Variants in SCHIP1 observed in about 807,000 individuals in gnomAD.
SCHIP1 encodes schwannomin interacting protein 1, also known as schwannomin-interacting protein 1.
SCHIP1 carries 8 observed loss-of-function variants against 29.7 expected under a neutral mutation model. The observed-to-expected ratio is 0.27, with a 90% confidence interval of 0.16 to 0.49. The LOEUF (loss-of-function observed/expected upper bound fraction) is 0.49, where lower values mean the gene tolerates loss of function less well. Ranked by LOEUF, SCHIP1 falls within the 20% of genes least tolerant of loss-of-function variation. The probability of loss-of-function intolerance (pLI) is 0.99; values close to 1 mark genes in which losing one functional copy is unlikely to be tolerated. For missense variants in SCHIP1, 193 were observed against 294.6 expected (o/e 0.66, Z 2.52); for synonymous variants, 76 against 94.9 (o/e 0.80, Z 1.16).
the SCHIP1 span, among the ~76,000 whole-genome samples, chr3:159,393,254 T>G: frequency 6.6e-6 from 1 of 152,204 alleles, no homozygotes; most frequent in Non-Finnish European, 1.5e-5. Flanking sequence ...TTTCTCCCAT[T>G]TTGTAGGTTG....
the SCHIP1 span, among the ~76,000 whole-genome samples, chr3:159,630,841 A>G: frequency 6.6e-6 from 1 of 152,188 alleles, no homozygotes; most frequent in Non-Finnish European, 1.5e-5. Flanking sequence ...GTAACCAAAC[A>G]CCACCTGTTC....
chr3:159,804,867 A>C, the SCHIP1 span, among the ~76,000 whole-genome samples: 1 of 152,162 alleles, frequency 6.6e-6, no homozygotes, highest in African/African-American at 2.4e-5. Context: ...ATTTACAGCT[A>C]TCCTCCCACA....
At chr3:159,418,536 T>A in the SCHIP1 span, among the ~76,000 whole-genome samples, 1 of 152,250 alleles carries the variant, frequency 6.6e-6, no homozygotes. Context: ...TTACAGGAAT[T>A]TGATATTTAT....
At chr3:159,703,025 TTATC>T in the SCHIP1 span, among the ~76,000 whole-genome samples, 1 of 152,240 alleles carries the variant, frequency 6.6e-6, no homozygotes, top group Non-Finnish European at 1.5e-5. Flanking sequence ...CATTTATTCT[TTATC>T]TACTAGTCAT....
At chr3:159,582,821 T>C in the SCHIP1 span, among the ~76,000 whole-genome samples, 13 of 74,358 alleles carry the variant, frequency 1.7e-4, no homozygotes, top group South Asian at 9.4e-4. Context: ...CACACACACA[T>C]TCAAAAATAT....
the SCHIP1 span, among the ~76,000 whole-genome samples, chr3:159,437,932 C>T: frequency 1.3e-5 from 2 of 152,258 alleles, no homozygotes; most frequent in African/African-American, 4.8e-5. Flanking sequence ...CTGCCATTTA[C>T]AAGCTTTATT....
the SCHIP1 span, among the ~76,000 whole-genome samples, chr3:159,669,289 C>T: frequency 3.3e-5 from 5 of 152,178 alleles, no homozygotes; most frequent in Non-Finnish European, 7.3e-5. Context: ...TCGTAAGTTT[C>T]CTTTTAGGTA....
At chr3:159,751,516 G>A in the SCHIP1 span, among the ~76,000 whole-genome samples, 1 of 151,654 alleles carries the variant, frequency 6.6e-6, no homozygotes. Flanking sequence ...AGAATTTATA[G>A]AAATTAATTC....
the SCHIP1 span, among the ~76,000 whole-genome samples, chr3:159,754,525 A>G: frequency 6.6e-6 from 1 of 152,228 alleles, no homozygotes; most frequent in African/African-American, 2.4e-5. Context: ...CTTACAAAAC[A>G]ATGCCAAATC....
At chr3:159,274,407 G>A in the SCHIP1 span, 1 of 947,486 alleles carries the variant, frequency 1.1e-6, no homozygotes. Context: ...CAAATTTATT[G>A]GTATGAAATG....
chr3:159,759,382 G>A, the SCHIP1 span, among the ~76,000 whole-genome samples: 1 of 152,168 alleles, frequency 6.6e-6, no homozygotes. Context: ...AACCAACTTT[G>A]TATCACCCAA....
At chr3:159,442,312 G>A in the SCHIP1 span, among the ~76,000 whole-genome samples, 1 of 152,178 alleles carries the variant, frequency 6.6e-6, no homozygotes, top group Non-Finnish European at 1.5e-5. Flanking sequence ...CTCCAGAGAG[G>A]CAGGAAAGAG....
chr3:159,418,890 T>C, the SCHIP1 span, among the ~76,000 whole-genome samples: 1 of 152,364 alleles, frequency 6.6e-6, no homozygotes, highest in South Asian at 2.1e-4. Context: ...GAACGAAGGC[T>C]TTGGGGTTCC....
At chr3:159,662,488 C>T in the SCHIP1 span, among the ~76,000 whole-genome samples, 2 of 152,240 alleles carry the variant, frequency 1.3e-5, no homozygotes, top group South Asian at 2.1e-4. Context: ...TTGGGTTCTA[C>T]ACCCAGCCAC....
chr3:159,535,599 G>C, the SCHIP1 span, among the ~76,000 whole-genome samples: 1 of 152,122 alleles, frequency 6.6e-6, no homozygotes, highest in Non-Finnish European at 1.5e-5. Flanking sequence ...AGTTAGCTTT[G>C]GCCTTCTCAG....
chr3:159,595,038 G>A, the SCHIP1 span, among the ~76,000 whole-genome samples: 1 of 152,166 alleles, frequency 6.6e-6, no homozygotes, highest in African/African-American at 2.4e-5. Context: ...CACCCAGCGA[G>A]TGACAAAGCA....
chr3:159,895,341 A>G (rs935990534), intron 6 of SCHIP1, among the ~76,000 whole-genome samples: 1 of 152,130 alleles, frequency 6.6e-6, no homozygotes, highest in African/African-American at 2.4e-5. Context: ...CCCTGATATG[A>G]CACATTCTGC....
chr3:159,535,720 G>A, the SCHIP1 span, among the ~76,000 whole-genome samples: 19 of 152,308 alleles, frequency 1.2e-4, no homozygotes, highest in Admixed American at 8.5e-4. Context: ...TAATTACAAT[G>A]TTTAGAAGAA....
At chr3:159,641,798 G>T in the SCHIP1 span, among the ~76,000 whole-genome samples, 2 of 152,110 alleles carry the variant, frequency 1.3e-5, no homozygotes, top group Admixed American at 6.6e-5. Context: ...TAGTCTCTAA[G>T]AAATAAAATA....
Sources: allele counts gnomAD v4.1 joint callset (sites outside exome capture counted in the v4.1 genomes callset), GRCh38; gene constraint gnomAD v4.1.1; transcripts MANE v1.5; gene names NCBI Gene and HGNC (gene_info 2026-07-23, HGNC 2026-07-21).